The following TMEM132D variants were observed in gnomAD, a reference collection of about 807,000 sequenced individuals.
TMEM132D encodes the protein mature OL transmembrane protein.
TMEM132D carries 21 observed loss-of-function variants against 62.3 expected under a neutral mutation model. That is an observed-to-expected ratio of 0.34 (90% confidence interval 0.24 to 0.49). The LOEUF (loss-of-function observed/expected upper bound fraction) is 0.49. TMEM132D is among the 20% of genes least tolerant of loss of function. The pLI, the probability that TMEM132D is intolerant of heterozygous loss-of-function variation, is 0.99. For synonymous variants in TMEM132D, 621 were observed against 575.6 expected, an observed-to-expected ratio of 1.08 and a Z score of -1.13; for missense variants, 1,346 against 1,402.8, an observed-to-expected ratio of 0.96 and a Z score of 0.65.
chr12:129,507,465 G>A (rs926376383), intron 3 of TMEM132D, among the ~76,000 whole-genome samples: 1 of 152,146 alleles, frequency 6.6e-6, no homozygotes, highest in East Asian at 1.9e-4. Flanking sequence ...CAACCCAAAT[G>A]ATCATCAATC....
rs150113613 is a variant in TMEM132D, at chr12:129,604,722, C to A, written c.969-73517G>T. 3.5e-3 allele frequency among the ~76,000 whole-genome samples: 531 copies of A among 152,296 alleles called. 11 individuals are homozygous for A. Among genetic ancestry groups the A allele is most frequent in the East Asian group, 0.011 (56 of 5,184 alleles). On this transcript the variant is annotated intron_variant, in intron 2 of 8. Transcript: ENST00000422113. The stretch of plus-strand genomic sequence containing the variant: ...AAACTCCTTCCCCTCATGCCTGAAG[C>A]ATTATCATACTTAGATACTGAAGCA...
intron 1 of TMEM132D, among the ~76,000 whole-genome samples, chr12:129,789,334 G>T (rs992881333): frequency 8.6e-5 from 13 of 152,030 alleles, no homozygotes; most frequent in Non-Finnish European, 1.5e-4. Flanking sequence ...TCCCATTCAT[G>T]AGTTACTTCA....
chr12:129,817,210 T>C (rs1354984938), intron 1 of TMEM132D, among the ~76,000 whole-genome samples: 1 of 152,226 alleles, frequency 6.6e-6, no homozygotes, highest in South Asian at 2.1e-4. Context: ...CAAGCATTCA[T>C]GCACTTAGTG....
intron 4 of TMEM132D, among the ~76,000 whole-genome samples, chr12:129,251,641 CA>C (rs1880270428): frequency 6.6e-6 from 1 of 152,162 alleles, no homozygotes; most frequent in Non-Finnish European, 1.5e-5. Context: ...GTGTTTTTGA[CA>C]ACGTATGGCT....
chr12:129,465,997 T>C (rs1281605819), intron 3 of TMEM132D, among the ~76,000 whole-genome samples: 1 of 152,198 alleles, frequency 6.6e-6, no homozygotes, highest in East Asian at 1.9e-4. Context: ...TTTCCTCATT[T>C]TAAAGTGGAG....
chr12:129,526,663 A>G (rs1253811889), intron 3 of TMEM132D, among the ~76,000 whole-genome samples: 2 of 152,158 alleles, frequency 1.3e-5, no homozygotes, highest in Non-Finnish European at 2.9e-5. Flanking sequence ...TTTGTTTTGA[A>G]GTATGGTTTG....
rs901780751 is a variant in TMEM132D, at chr12:129,337,950, G to C, written c.1116-133C>G. ...AACCAAGCGCACACATCTCTGCAAA[G>C]AGCATTCAGAGATGCCATTCCAAAA... is the stretch of plus-strand genomic sequence containing the variant. On this transcript the variant is annotated intron_variant, in intron 3 of 8. Coordinates refer to ENST00000422113, the MANE Select transcript of TMEM132D (RefSeq NM_133448.3). The C allele has an allele frequency of 5.7e-6, 5 of 881,780 alleles. No homozygotes were observed. In the African/African-American group the frequency reaches 8.4e-5, roughly 15 times the overall value. The allele number at this position is 881,780 out of a possible 1,614,324, so 54.6% of individuals were successfully genotyped here. A position where few individuals can be genotyped will look rare whatever the true frequency, so the allele number is the denominator to read the frequency against.
intron 1 of TMEM132D, among the ~76,000 whole-genome samples, chr12:129,791,424 CTTT>C (rs990834819): frequency 5.9e-5 from 9 of 152,120 alleles, no homozygotes; most frequent in Non-Finnish European, 1.2e-4. Flanking sequence ...CATGTTTCAT[CTTT>C]TTAAGATAAA....
intron 3 of TMEM132D, among the ~76,000 whole-genome samples, chr12:129,404,616 G>A (rs1053749933): frequency 3.9e-5 from 6 of 152,154 alleles, no homozygotes; most frequent in Non-Finnish European, 8.8e-5. Flanking sequence ...CCCAATCATG[G>A]CAGCAGGAGA....
chr12:129,841,062 AAG>A (rs1276992966), intron 1 of TMEM132D, among the ~76,000 whole-genome samples: 1 of 152,160 alleles, frequency 6.6e-6, no homozygotes, highest in African/African-American at 2.4e-5. Flanking sequence ...AAAATGTAAA[AAG>A]AATCAAATTT....
At chr12:129,528,431 CAAAAAA>C (rs200147997) in intron 3 of TMEM132D, among the ~76,000 whole-genome samples, 2,057 of 133,170 alleles carry the variant, frequency 0.015, 43 homozygotes, top group African/African-American at 0.047. Flanking sequence ...ATGCACACAG[CAAAAAA>C]AAAAAAAAAA....
At chr12:129,201,418 T>C (rs1013643836) in intron 5 of TMEM132D, among the ~76,000 whole-genome samples, 1 of 151,942 alleles carries the variant, frequency 6.6e-6, no homozygotes, top group Admixed American at 6.6e-5. Context: ...CTGCAGAGAG[T>C]CCACTGCCCT....
intron 2 of TMEM132D, among the ~76,000 whole-genome samples, chr12:129,617,183 AGAAAAC>A (rs1878941943): frequency 1.3e-5 from 2 of 152,228 alleles, no homozygotes; most frequent in South Asian, 4.1e-4. Context: ...GAACTGATGG[AGAAAAC>A]AAGGCCATGG....
intron 4 of TMEM132D, among the ~76,000 whole-genome samples, chr12:129,232,879 C>T (rs1879681761): frequency 6.6e-6 from 1 of 151,792 alleles, no homozygotes; most frequent in Non-Finnish European, 1.5e-5. Context: ...CACTTTTAAA[C>T]CATCAGATCT....
intron 1 of TMEM132D, among the ~76,000 whole-genome samples, chr12:129,877,611 G>GTGCA (rs1555238198): frequency 1.1e-5 from 1 of 94,946 alleles, no homozygotes; most frequent in African/African-American, 3.1e-5. Context: ...ACGCGCGCGC[G>GTGCA]CGCACACACA....
intron 4 of TMEM132D, among the ~76,000 whole-genome samples, chr12:129,305,989 A>G (rs1010729776): frequency 2.0e-5 from 3 of 152,172 alleles, no homozygotes; most frequent in African/African-American, 7.2e-5. Flanking sequence ...TCTTCTGTAA[A>G]TGCCACTTCA....
intron 5 of TMEM132D, among the ~76,000 whole-genome samples, chr12:129,129,809 A>G (rs900239995): frequency 1.3e-5 from 2 of 152,108 alleles, no homozygotes; most frequent in East Asian, 3.9e-4. Flanking sequence ...GTGCCTGTTC[A>G]TGAATGCAAC....
At chr12:129,758,351 T>C (rs1870239690) in intron 1 of TMEM132D, among the ~76,000 whole-genome samples, 2 of 152,226 alleles carry the variant, frequency 1.3e-5, no homozygotes, top group African/African-American at 2.4e-5. Context: ...TCCACTTAAG[T>C]GTAAGTTACT....
At chr12:129,078,500 C>A (rs1045815489) in intron 8 of TMEM132D, 34 bp downstream of exon 8, 1 of 1,590,912 alleles carries the variant, frequency 6.3e-7, no homozygotes, top group East Asian at 2.3e-5. Flanking sequence ...GGTGAGGGAC[C>A]CTGCTGAAGT....
Sources: allele counts gnomAD v4.1 joint callset (sites outside exome capture counted in the v4.1 genomes callset), GRCh38; gene constraint gnomAD v4.1.1; transcripts MANE v1.5; gene names NCBI Gene and HGNC (gene_info 2026-07-23, HGNC 2026-07-21).